Variants in INPP5F observed in about 807,000 individuals in gnomAD.
INPP5F encodes the protein phosphatidylinositide 4-phosphatase SAC2.
INPP5F carries 97 observed loss-of-function variants against 137.2 expected under a neutral mutation model. The ratio of observed to expected loss-of-function variants is 0.71; its 90% CI spans 0.60 to 0.84. The LOEUF (loss-of-function observed/expected upper bound fraction) is 0.84, where lower values mean the gene tolerates loss of function less well. Among genes scored for constraint, INPP5F ranks in the 40% least tolerant of loss-of-function variants. The pLI is 0.00. For synonymous variants in INPP5F, 504 were observed against 476.9 expected (o/e 1.06, Z -0.74); for missense variants, 1,271 against 1,371.9 (o/e 0.93, Z 1.16).
intron 15 of INPP5F, among the ~76,000 whole-genome samples, chr10:119,814,871 TTTTG>T (rs959707238): frequency 1.3e-5 from 2 of 152,120 alleles, no homozygotes; most frequent in African/African-American, 2.4e-5. Context: ...CTTCTACTTT[TTTTG>T]TTTTTTTTTG....
chr10:119,764,500 C>T (rs1184574337), intron 2 of INPP5F, among the ~76,000 whole-genome samples: 3 of 152,146 alleles, frequency 2.0e-5, no homozygotes, highest in Non-Finnish European at 1.5e-5. Flanking sequence ...GCTTACTTAA[C>T]ATGAAGATAA....
intron 12 of INPP5F, 117 bp downstream of exon 12, chr10:119,806,597 A>G: frequency 1.1e-6 from 1 of 922,610 alleles, no homozygotes. Context: ...CATTTACAAT[A>G]TACAAACACC....
intron 15 of INPP5F, chr10:119,818,592 T>G (rs944964572): frequency 6.6e-6 from 1 of 152,368 alleles, no homozygotes; most frequent in East Asian, 1.9e-4. Flanking sequence ...CCCTCGTTGG[T>G]AGGCGTAGGA....
chr10:119,749,603 G>A (rs1340144292), intron 1 of INPP5F, among the ~76,000 whole-genome samples: 1 of 152,182 alleles, frequency 6.6e-6, no homozygotes, highest in Non-Finnish European at 1.5e-5. Flanking sequence ...GCGTCAGGCT[G>A]ACCTGGTTTT....
At position 119,726,232 on chromosome 10, in the gene INPP5F, G is replaced by GCCGCCGCCTC; in HGVS notation, c.-28_-19dup. 1 of 1,397,880 alleles carries GCCGCCGCCTC rather than the reference G, an allele frequency of 7.2e-7. No homozygotes were observed. Among genetic ancestry groups the GCCGCCGCCTC allele is most frequent in the Non-Finnish European group, 9.4e-7 (1 of 1,065,086 alleles). The allele number at this position is 1,397,880 out of a possible 1,614,324, so 86.6% of individuals were successfully genotyped here. On this transcript the variant is annotated 5_prime_UTR_variant, in exon 1 of 20. Coordinates refer to ENST00000650623, the MANE Select transcript of INPP5F (RefSeq NM_014937.4). The stretch of plus-strand genomic sequence containing the variant: ...AGGACGCCCCGTGCGCCGCCCGCGG[G>GCCGCCGCCTC]CCGCCGCCTCCCTGGGCGCGCGGGG...
chr10:119,787,040 C>T lies in INPP5F; in HGVS notation c.316-4477C>T, dbSNP rs1364346319. 1.3e-5 allele frequency among the ~76,000 whole-genome samples: 2 copies of T among 152,018 alleles called. No individual in the cohort carries two copies. Among genetic ancestry groups the T allele is most frequent in the African/African-American group, 4.8e-5 (2 of 41,388 alleles). ...TCTAAAGTGGTTCTGGAGCATTACC[C>T]CACGATAAAACACATTAATGTTTCT... On this transcript the variant is annotated intron_variant, in intron 3 of 19. Transcript: ENST00000650623. The surrounding 1 kb of genome is among the most constrained non-coding windows in gnomAD (Gnocchi z 4.1).
intron 2 of INPP5F, among the ~76,000 whole-genome samples, chr10:119,767,984 A>G (rs547313026): frequency 7.9e-5 from 12 of 151,870 alleles, no homozygotes; most frequent in African/African-American, 2.4e-4. Context: ...CCTGTTGGCA[A>G]TGTTACAGAG....
rs370432123 is a variant in INPP5F at position 119,823,164 on chromosome 10, G to A, written c.2126G>A (p.Arg709Gln). 27 of 1,613,834 alleles carry A rather than the reference G, an allele frequency of 1.7e-5. No homozygotes were observed. The highest frequency in any genetic ancestry group is 2.2e-5 in the East Asian group (1 of 44,878). ...KEASGYFHTL[R>Q]AVMRNPEEDG... ...GCGAGTGGCTATTTCCACACATTGC[G>A]AGCTGTAATGCGTAATCCTGAAGAG... Residue 709 changes from arginine to glutamine, a missense_variant, in exon 18 of 20, where the codon CGA becomes CAA. Transcript: ENST00000650623.
intron 15 of INPP5F, among the ~76,000 whole-genome samples, chr10:119,817,584 A>G (rs751141359): frequency 1.4e-4 from 22 of 152,102 alleles, no homozygotes; most frequent in Non-Finnish European, 2.4e-4. Flanking sequence ...CATTTCCCTG[A>G]TGACAAACGA....
At chr10:119,775,157 G>GA (rs560846641) in intron 2 of INPP5F, among the ~76,000 whole-genome samples, 1 of 152,058 alleles carries the variant, frequency 6.6e-6, no homozygotes, top group Non-Finnish European at 1.5e-5. Context: ...TCCTTAGGGG[G>GA]AAAAATCAAT....
chr10:119,739,500 A>T (rs1848311769), intron 1 of INPP5F, among the ~76,000 whole-genome samples: 1 of 152,212 alleles, frequency 6.6e-6, no homozygotes, highest in Admixed American at 6.5e-5. Flanking sequence ...CTTATTTTTT[A>T]AATTTTGTTC....
intron 2 of INPP5F, among the ~76,000 whole-genome samples, chr10:119,764,312 C>T (rs746557985): frequency 4.6e-5 from 7 of 152,128 alleles, no homozygotes; most frequent in African/African-American, 7.2e-5. Flanking sequence ...ATAGTGTATA[C>T]GCGCGCATGT....
chr10:119,810,976 ATGT>A (rs902237912), intron 14 of INPP5F, among the ~76,000 whole-genome samples: 17 of 152,306 alleles, frequency 1.1e-4, no homozygotes, highest in African/African-American at 3.8e-4. Flanking sequence ...TGATGTGAAG[ATGT>A]TTGACTTATT....
chr10:119,745,155 G>C lies in INPP5F; in HGVS notation c.98-5921G>C, dbSNP rs191814211. Among the ~76,000 whole-genome samples, 258 of 151,952 alleles carry C rather than the reference G, an allele frequency of 1.7e-3. 1 individual carries two copies. Among genetic ancestry groups the C allele is most frequent in the Middle Eastern group, 6.8e-3 (2 of 294 alleles). On this transcript the variant is annotated intron_variant, in intron 1 of 19. Transcript: ENST00000650623. ...TATCCTTTCTGCCATGCTCCCTCTT[G>C]TTCTTTCCCATTCAGGAGAGAATAG...
intron 3 of INPP5F, among the ~76,000 whole-genome samples, chr10:119,785,284 C>CTTTT (rs1440327192): frequency 1.2e-5 from 1 of 81,600 alleles, no homozygotes; most frequent in African/African-American, 4.3e-5. Flanking sequence ...AACTGCCAGA[C>CTTTT]TGTTTTTTTT....
intron 2 of INPP5F, among the ~76,000 whole-genome samples, chr10:119,777,230 C>T (rs1056739847): frequency 3.9e-5 from 6 of 152,074 alleles, no homozygotes; most frequent in South Asian, 2.1e-4. Context: ...TAGAAATGGC[C>T]GGGCGCAGTG....
Position 119,771,757 on chromosome 10 carries a change from A to T in INPP5F, c.179-9878A>T, listed in dbSNP as rs1292154141. ...AAAGAGATTTCTTTTTGACAGTCTG[A>T]TACAAAGTGATCTTCCTATTTTATT... On this transcript the variant is annotated intron_variant, in intron 2 of 19. Transcript: ENST00000650623. 2.7e-5 allele frequency among the ~76,000 whole-genome samples: 4 copies of T among 148,584 alleles called. No homozygotes were observed. In the East Asian group the frequency reaches 7.9e-4, roughly 29 times the overall value.
At chr10:119,786,688 T>C (rs1424393664) in intron 3 of INPP5F, among the ~76,000 whole-genome samples, 1 of 152,090 alleles carries the variant, frequency 6.6e-6, no homozygotes, top group Non-Finnish European at 1.5e-5. Context: ...ATTTTTTTTT[T>C]TTCTATTTTT....
At chr10:119,823,639 T>C (rs769295228) in intron 18 of INPP5F, among the ~76,000 whole-genome samples, 176 bp from the exon 19 acceptor site, 1 of 152,252 alleles carries the variant, frequency 6.6e-6, no homozygotes, top group Non-Finnish European at 1.5e-5. Context: ...GTTAGAACAT[T>C]GTGAATTAAG....
Sources: allele counts gnomAD v4.1 joint callset (sites outside exome capture counted in the v4.1 genomes callset), GRCh38; gene constraint gnomAD v4.1.1; non-coding constraint Gnocchi (gnomAD v3.1); transcripts MANE v1.5; gene names NCBI Gene and HGNC (gene_info 2026-07-23, HGNC 2026-07-21).